KATNAL1: variants seen among roughly 807,000 people sequenced by gnomAD.
The protein encoded by KATNAL1 is katanin catalytic subunit A1 like 1.
Under a neutral mutation model 55.2 loss-of-function variants are expected in KATNAL1, and 32 were observed. The ratio of observed to expected loss-of-function variants is 0.58; its 90% CI spans 0.44 to 0.78. The LOEUF (loss-of-function observed/expected upper bound fraction) is 0.78, where lower values mean the gene tolerates loss of function less well. Among genes scored for constraint, KATNAL1 ranks in the 30% least tolerant of loss-of-function variants. The pLI is 0.00. For missense variants in KATNAL1, 466 were observed against 600.9 expected, an observed-to-expected ratio of 0.78 and a Z score of 2.35; for synonymous variants, 193 against 193.6, an observed-to-expected ratio of 1.00 and a Z score of 0.02.
chr13:30,305,483 A>G (rs1379143355), intron 1 of KATNAL1, among the ~76,000 whole-genome samples: 1 of 152,204 alleles, frequency 6.6e-6, no homozygotes, highest in Non-Finnish European at 1.5e-5. Flanking sequence ...TTTCTACTAA[A>G]TGACAGAGAA....
At chr13:30,269,423 G>A (rs1472354964) in intron 3 of KATNAL1, among the ~76,000 whole-genome samples, 5 of 152,220 alleles carry the variant, frequency 3.3e-5, no homozygotes, top group African/African-American at 9.6e-5. Context: ...GCGTGATCTC[G>A]GCTCGCTACA....
intron 3 of KATNAL1, among the ~76,000 whole-genome samples, chr13:30,265,165 T>C (rs1311044534): frequency 9.3e-5 from 14 of 150,114 alleles, no homozygotes; most frequent in East Asian, 5.9e-4. Flanking sequence ...TAGGTGGGAA[T>C]TGAACAATGA....
intron 1 of KATNAL1, among the ~76,000 whole-genome samples, chr13:30,300,000 C>G (rs1300780739): frequency 6.6e-6 from 1 of 151,228 alleles, no homozygotes; most frequent in Non-Finnish European, 1.5e-5. Flanking sequence ...CACACACATT[C>G]TCTCCCAACA....
At chr13:30,296,825 C>T (rs1372425511) in intron 1 of KATNAL1, 2 of 383,868 alleles carry the variant, frequency 5.2e-6, no homozygotes, top group South Asian at 2.0e-5. Context: ...CTGTGCTGAC[C>T]CAGGAAAGGC....
At position 30,230,504 on chromosome 13, in the gene KATNAL1, G is replaced by T; in HGVS notation, c.976C>A (p.Arg326Ser). Residue 326 changes from arginine (R) to serine (S), a missense_variant, in exon 8 of 11, where the codon CGC (arginine) becomes AGC (serine). By Grantham distance (110) the Arg-to-Ser change is moderately radical. Transcript: ENST00000380615. ...RGTSDEHEAS[R>S]RVKSELLIQM... ...ATGAGCAGTTCAGACTTGACCCTGC[G>T]ACTTGCCTCATGTTCATCAGAGGTT... is the stretch of plus-strand genomic sequence containing the variant. 1 of 1,613,308 alleles carries T rather than the reference G, an allele frequency of 6.2e-7. No individual in the cohort carries two copies. The highest frequency in any genetic ancestry group is 8.5e-7 in the Non-Finnish European group (1 of 1,179,674).
chr13:30,230,480 T>G lies in KATNAL1; in HGVS notation c.1000A>C (p.Ile334Leu), dbSNP rs1276212968. 3 of 1,608,606 alleles carry G rather than the reference T, an allele frequency of 1.9e-6. No individual in the cohort carries two copies. Among genetic ancestry groups the G allele is most frequent in the Non-Finnish European group, 2.5e-6 (3 of 1,178,262 alleles). ...AAATATCAATTACCATCCATCTGAA[T>G]GAGCAGTTCAGACTTGACCCTGCGA... ...ASRRVKSELL[I>L]QMDGVGGALE... Residue 334 changes from isoleucine (I) to leucine (L), a missense_variant, in exon 8 of 11, where the codon ATT (isoleucine) becomes CTT (leucine). This residue lies in a region of KATNAL1 where 213 missense variants were observed against 308.6 expected (regional missense o/e 0.69). Transcript: ENST00000380615.
At chr13:30,262,599 A>T (rs1450276356) in intron 3 of KATNAL1, among the ~76,000 whole-genome samples, 12 of 152,148 alleles carry the variant, frequency 7.9e-5, no homozygotes, top group Non-Finnish European at 1.5e-4. Context: ...ACCTCTACGC[A>T]AATAAACTAG....
At chr13:30,252,829 G>GC (rs1405308533) in intron 4 of KATNAL1, among the ~76,000 whole-genome samples, 1 of 150,974 alleles carries the variant, frequency 6.6e-6, no homozygotes, top group African/African-American at 2.4e-5. Flanking sequence ...TGCAACCTCT[G>GC]CCTCCCTCCC....
chr13:30,306,447 C>G lies in KATNAL1; in HGVS notation c.-15+884G>C, dbSNP rs1284333901. ...AAAATATGTGTAGGCAGTGTTCAGG[C>G]TGGCAAGGGGGGGGTGGGGTGGAGC... On this transcript the variant is annotated intron_variant, in intron 1 of 10. Coordinates refer to ENST00000380615, the MANE Select transcript of KATNAL1 (RefSeq NM_032116.5). Among the ~76,000 whole-genome samples, 5 of 81,198 alleles carry G rather than the reference C, an allele frequency of 6.2e-5. No homozygotes were observed. The East Asian group carries it at 1.6e-3, about 25-fold the overall frequency. The allele number at this position is 81,198 out of a possible 152,430, so 53.3% of individuals were successfully genotyped here.
chr13:30,251,536 G>T (rs1878319216), intron 4 of KATNAL1, among the ~76,000 whole-genome samples: 1 of 152,132 alleles, frequency 6.6e-6, no homozygotes, highest in Non-Finnish European at 1.5e-5. Context: ...CACATAAGAA[G>T]GTGCCATCTA....
chr13:30,247,871 T>C (rs1012109896), intron 4 of KATNAL1, among the ~76,000 whole-genome samples: 1 of 152,252 alleles, frequency 6.6e-6, no homozygotes, highest in Non-Finnish European at 1.5e-5. Context: ...TCATGTTTTA[T>C]TTTACACTTT....
At chr13:30,301,999 G>A (rs533471230) in intron 1 of KATNAL1, among the ~76,000 whole-genome samples, 8 of 152,270 alleles carry the variant, frequency 5.3e-5, no homozygotes, top group African/African-American at 4.8e-5. Context: ...AGCCTCCTGA[G>A]TAGCTGGGAC....
chr13:30,218,747 C>T (rs1874558707), intron 9 of KATNAL1, among the ~76,000 whole-genome samples: 1 of 152,106 alleles, frequency 6.6e-6, no homozygotes, highest in Non-Finnish European at 1.5e-5. Flanking sequence ...ATCCCAAGGC[C>T]ACAGGTAACA....
In KATNAL1 at chr13:30,207,066, G is replaced by A. The variant is rs1873222505; in HGVS notation, c.*1474C>T. ...TCTTTTTTTAAAAAAAACCTTCTTA[G>A]TATCTTGGTTAAATGTCCAAAAAGC... is the stretch of plus-strand genomic sequence containing the variant. On this transcript the variant is annotated 3_prime_UTR_variant, in exon 11 of 11. Transcript: ENST00000380615. 6.6e-6 allele frequency: 1 copy of A among 152,068 alleles called. No individual in the cohort carries two copies. The highest frequency in any genetic ancestry group is 2.4e-5 in the African/African-American group (1 of 41,404). The allele number at this position is 152,068 out of a possible 1,614,324, so 9.4% of individuals were successfully genotyped here. A position where few individuals can be genotyped will look rare whatever the true frequency, so the allele number is the denominator to read the frequency against.
rs889306302 is a variant in KATNAL1 at position 30,283,649 on chromosome 13, G to A, written c.129C>T (p.Val43=). ...MQQIQRHCQS[V]RDPAIKGKWQ... The stretch of plus-strand genomic sequence containing the variant: ...ATTTGCCTTTGATAGCTGGATCTCT[G>A]ACTGACTGGCAATGTCTCTGAATCT... The change falls in exon 2 of 11, where the codon GTC becomes GTT. Residue 43 remains valine, a synonymous_variant. Transcript: ENST00000380615. 6.2e-7 allele frequency: 1 copy of A among 1,613,692 alleles called. No homozygotes were observed. Among genetic ancestry groups the A allele is most frequent in the African/African-American group, 1.3e-5 (1 of 74,878 alleles).
At chr13:30,268,381 T>C (rs1424881287) in intron 3 of KATNAL1, among the ~76,000 whole-genome samples, 1 of 152,204 alleles carries the variant, frequency 6.6e-6, no homozygotes, top group Non-Finnish European at 1.5e-5. Context: ...AAAATAAATA[T>C]GTTTAATATG....
intron 9 of KATNAL1, among the ~76,000 whole-genome samples, chr13:30,223,721 T>C (rs905222782): frequency 4.0e-5 from 6 of 151,446 alleles, no homozygotes; most frequent in Non-Finnish European, 7.4e-5. Flanking sequence ...AAGCAGAAAC[T>C]GAAAAAACGA....
intron 1 of KATNAL1, 63 bp from the exon 2 acceptor site, chr13:30,283,854 T>C: frequency 8.8e-7 from 1 of 1,142,708 alleles, no homozygotes; most frequent in South Asian, 1.7e-5. Context: ...CATTTATTAT[T>C]CTTTAAAATA....
In KATNAL1 at chr13:30,280,091, A is replaced by C; in HGVS notation, c.295T>G (p.Trp99Gly). Residue 99 changes from tryptophan (W) to glycine (G), a missense_variant, in exon 3 of 11, where the codon TGG becomes GGG. Transcript: ENST00000380615. The stretch of plus-strand genomic sequence containing the variant: ...TGTTCTGCAGGAACAGGGGGTGGCC[A>C]AACAGCAGGATCTCTAAATGGTTCA... ...QDEPFRDPAVWPPPVPAEHRA... is the reference protein window; with the variant it reads ...QDEPFRDPAVGPPPVPAEHRA... 6.2e-7 allele frequency: 1 copy of C among 1,612,556 alleles called. No homozygotes were observed.
Sources: allele counts gnomAD v4.1 joint callset (sites outside exome capture counted in the v4.1 genomes callset), GRCh38; gene constraint gnomAD v4.1.1; regional missense constraint gnomAD v4.1.1; transcripts MANE v1.5; gene names NCBI Gene and HGNC (gene_info 2026-07-23, HGNC 2026-07-21).